GLI3: variants seen among roughly 807,000 people sequenced by gnomAD.
GLI3 encodes GLI family zinc finger 3, also known as transcription activator GLI3.
In GLI3, 20 loss-of-function variants were observed where a neutral mutation model predicts 100.8. The ratio of observed to expected loss-of-function variants is 0.20; its 90% CI spans 0.14 to 0.29. GLI3 has a LOEUF of 0.29. GLI3 is among the 10% of genes least tolerant of loss of function. The pLI, the probability that GLI3 is intolerant of heterozygous loss-of-function variation, is 1.00. For missense variants in GLI3, 2,040 were observed against 2,128.5 expected (o/e 0.96, Z 0.82); for synonymous variants, 938 against 860.5 (o/e 1.09, Z -1.58).
chr7:42,030,357 T>C (rs892268289), intron 7 of GLI3, among the ~76,000 whole-genome samples: 5 of 152,192 alleles, frequency 3.3e-5, no homozygotes, highest in Non-Finnish European at 7.3e-5. Flanking sequence ...GGTAACCTAT[T>C]CACAGGTCCT....
At chr7:42,209,836 G>C (rs1221723777) in intron 2 of GLI3, among the ~76,000 whole-genome samples, 1 of 92,880 alleles carries the variant, frequency 1.1e-5, no homozygotes, top group African/African-American at 3.4e-5. Context: ...TTTTTTTTTT[G>C]AGACAGTCTT....
Position 42,032,635 on chromosome 7 carries a change from C to T in GLI3, c.1029-6223G>A, listed in dbSNP as rs1194733246. Among the ~76,000 whole-genome samples the T allele has an allele frequency of 7.2e-5, 11 of 152,194 alleles. No homozygotes were observed. The South Asian group carries it at 1.2e-3, about 17-fold the overall frequency. ...TCTATATAAGGCAGGAGGGTCAGAG[C>T]GCTGGGGATATACTGGATTCCTTAA... On this transcript the variant is annotated intron_variant, in intron 7 of 14. Transcript: ENST00000395925.
intron 3 of GLI3, among the ~76,000 whole-genome samples, chr7:42,091,457 C>T (rs1386484789): frequency 6.6e-6 from 1 of 152,218 alleles, no homozygotes; most frequent in Non-Finnish European, 1.5e-5. Flanking sequence ...CTAACCAGGC[C>T]AGATCTGGCA....
chr7:42,092,477 T>C (rs1270468089), intron 3 of GLI3, among the ~76,000 whole-genome samples: 1 of 152,148 alleles, frequency 6.6e-6, no homozygotes, highest in African/African-American at 2.4e-5. Flanking sequence ...GAGACAACGC[T>C]GTTCCCAACA....
chr7:42,037,193 C>T (rs1046570677), intron 7 of GLI3, among the ~76,000 whole-genome samples: 14 of 152,126 alleles, frequency 9.2e-5, no homozygotes, highest in South Asian at 6.2e-4. Flanking sequence ...ATAGCTGTGA[C>T]GTGAGAACGG....
intron 10 of GLI3, among the ~76,000 whole-genome samples, chr7:42,002,671 G>A (rs892723988): frequency 5.3e-5 from 8 of 151,994 alleles, no homozygotes; most frequent in Non-Finnish European, 8.8e-5. Context: ...AATCTCTATC[G>A]TCAAGATAAA....
In GLI3 at chr7:41,972,472, G is replaced by T. The variant is rs772880606; in HGVS notation, c.1968C>A (p.Ser656=). ...GCGACCTGGACTGTGAATGGCTGCCGGAATCTCTCGGGGGTGGCGGCCGAG... is the reference window on the plus strand; with the variant it reads ...GCGACCTGGACTGTGAATGGCTGCCTGAATCTCTCGGGGGTGGCGGCCGAG... ...IHPRPPPPRD[S]GSHSQSRSPG... The change falls in exon 13 of 15, where the codon TCC becomes TCA. Residue 656 remains serine, a synonymous_variant. Transcript: ENST00000395925. The surrounding 1 kb of genome is among the most constrained non-coding windows in gnomAD (Gnocchi z 4.4). The T allele has an allele frequency of 1.2e-6, 2 of 1,613,726 alleles. No homozygotes were observed. The highest frequency in any genetic ancestry group is 1.1e-5 in the South Asian group (1 of 91,060).
intron 3 of GLI3, among the ~76,000 whole-genome samples, chr7:42,098,046 C>T (rs919715743): frequency 7.2e-5 from 11 of 152,102 alleles, no homozygotes; most frequent in Non-Finnish European, 1.3e-4. Flanking sequence ...CAATGACTCA[C>T]AGTTGAAAAG....
chr7:42,029,783 C>T (rs552564585), intron 7 of GLI3, among the ~76,000 whole-genome samples: 1 of 152,124 alleles, frequency 6.6e-6, no homozygotes, highest in Non-Finnish European at 1.5e-5. Context: ...CCCATCAAAA[C>T]GAGGCCCCTC....
chr7:42,110,224 T>G (rs1190155041), intron 3 of GLI3, among the ~76,000 whole-genome samples: 2 of 152,228 alleles, frequency 1.3e-5, no homozygotes, highest in Non-Finnish European at 2.9e-5. Flanking sequence ...AGTATCTCCA[T>G]ACAAATAAAT....
intron 1 of GLI3, among the ~76,000 whole-genome samples, chr7:42,258,772 C>T (rs187390659): frequency 8.9e-4 from 135 of 152,270 alleles, no homozygotes; most frequent in Non-Finnish European, 1.3e-3. Context: ...ATCCCATTCA[C>T]GAGATCTCTG....
chr7:42,223,443 C>CA (rs11366795), intron 1 of GLI3, 148 bp from the exon 2 acceptor site: 467 of 481,732 alleles, frequency 9.7e-4, no homozygotes, highest in Middle Eastern at 2.9e-3. Flanking sequence ...GGTTTTCTGG[C>CA]AAAAAAAAAA....
chr7:41,965,920 C>T lies in GLI3; in HGVS notation c.3153G>A (p.Arg1051=), dbSNP rs569948495. 2 of 1,613,370 alleles carry T rather than the reference C, an allele frequency of 1.2e-6. No homozygotes were observed. The highest frequency in any genetic ancestry group is 2.2e-5 in the South Asian group (2 of 91,084). The change falls in exon 15 of 15, where the codon CGG becomes CGA. Residue 1051 remains arginine (R), a synonymous_variant. Coordinates refer to ENST00000395925, the MANE Select transcript of GLI3 (RefSeq NM_000168.6). Reference sequence around the variant, plus strand: ...AGTTTCGGGACTGGCCGCCCTCGGGCCGCGTGTAATTCTGAAGCACGAGAC... The same window carrying T: ...AGTTTCGGGACTGGCCGCCCTCGGGTCGCGTGTAATTCTGAAGCACGAGAC... ...KRSLVLQNYT[R]PEGGQSRNFH...
chr7:42,085,326 A>G (rs2128754470), intron 3 of GLI3, among the ~76,000 whole-genome samples: 1 of 152,328 alleles, frequency 6.6e-6, no homozygotes, highest in East Asian at 1.9e-4. Context: ...AACCTGCTGC[A>G]AAAAGAGCTT....
chr7:42,160,042 TA>T (rs891610081), intron 2 of GLI3, among the ~76,000 whole-genome samples: 1 of 152,214 alleles, frequency 6.6e-6, no homozygotes, highest in African/African-American at 2.4e-5. Context: ...TGACCCAGGG[TA>T]CATTAAAATA....
chr7:42,167,999 A>T (rs1787277888), intron 2 of GLI3, among the ~76,000 whole-genome samples: 1 of 152,244 alleles, frequency 6.6e-6, no homozygotes, highest in South Asian at 2.1e-4. Flanking sequence ...TAAACCTAGG[A>T]AGGTTGCTTA....
intron 10 of GLI3, among the ~76,000 whole-genome samples, chr7:41,993,582 C>T (rs931222919): frequency 6.6e-6 from 1 of 152,172 alleles, no homozygotes; most frequent in African/African-American, 2.4e-5. Context: ...GAATTCCACA[C>T]AGCCAGGGAT....
intron 2 of GLI3, among the ~76,000 whole-genome samples, chr7:42,184,038 T>C (rs937396417): frequency 5.3e-5 from 8 of 152,190 alleles, no homozygotes; most frequent in Non-Finnish European, 1.0e-4. Context: ...GGAGGGATAA[T>C]GACAGTAGCC....
At chr7:42,120,202 A>C (rs1489041768) in intron 3 of GLI3, among the ~76,000 whole-genome samples, 1 of 152,232 alleles carries the variant, frequency 6.6e-6, no homozygotes, top group Non-Finnish European at 1.5e-5. Flanking sequence ...AGACATTTCT[A>C]AGGTGGACAC....
Sources: gnomAD v4.1 joint callset for allele counts (sites outside exome capture counted in the v4.1 genomes callset) on GRCh38, gnomAD v4.1.1 for gene constraint, Gnocchi (gnomAD v3.1) non-coding constraint, MANE v1.5 for transcripts, NCBI Gene and HGNC (gene_info 2026-07-23, HGNC 2026-07-21) for gene names.